The following HMGXB4 variants were observed in gnomAD, a reference collection of about 807,000 sequenced individuals.
HMGXB4 encodes HMG-box containing 4.
A neutral mutation model predicts 63.9 loss-of-function variants in HMGXB4; 27 were observed. The observed-to-expected ratio is 0.42, with a 90% CI of 0.31 to 0.58. The LOEUF (loss-of-function observed/expected upper bound fraction) is 0.58, where lower values mean the gene tolerates loss of function less well. Among genes scored for constraint, HMGXB4 ranks in the 20% least tolerant of loss-of-function variants. The pLI, the probability that HMGXB4 is intolerant of heterozygous loss-of-function variation, is 0.13. For synonymous variants in HMGXB4, 264 were observed against 265.3 expected (o/e 0.99, Z 0.05); for missense variants, 624 against 700.7 (o/e 0.89, Z 1.24).
Position 35,282,451 on chromosome 22 carries a change from C to G in HMGXB4, c.1216-1511C>G, listed in dbSNP as rs62233271. Among the ~76,000 whole-genome samples, 1,258 of 152,160 alleles carry G rather than the reference C, an allele frequency of 8.3e-3. 7 individuals carry two copies. Among genetic ancestry groups the G allele is most frequent in the South Asian group, 0.034 (163 of 4,824 alleles). Reference sequence around the variant, plus strand: ...TGCTGGATTACAGGTGTGAGCTACCCCACCCGGCCACATTCATGTCATTTT... The same window carrying G: ...TGCTGGATTACAGGTGTGAGCTACCGCACCCGGCCACATTCATGTCATTTT... On this transcript the variant is annotated intron_variant, in intron 5 of 10. Coordinates refer to ENST00000216106, the MANE Select transcript of HMGXB4 (RefSeq NM_001003681.3).
At chr22:35,267,501 C>T (rs1923338853) in intron 5 of HMGXB4, among the ~76,000 whole-genome samples, 1 of 152,112 alleles carries the variant, frequency 6.6e-6, no homozygotes, top group Non-Finnish European at 1.5e-5. Flanking sequence ...GAGAGATGTT[C>T]AGGAAGCAGC....
At chr22:35,248,757 T>C in the HMGXB4 span, among the ~76,000 whole-genome samples, 1 of 151,710 alleles carries the variant, frequency 6.6e-6, no homozygotes, top group Non-Finnish European at 1.5e-5. Flanking sequence ...GAAGAAAAAC[T>C]CACTTATCAT....
At position 35,263,831 on chromosome 22, in the gene HMGXB4, C is replaced by T; in HGVS notation, c.216C>T (p.His72=). ...SELYFLGTDT[H]KKKRKHSSDD... ...TTTACTTCTTGGGGACGGACACACA[C>T]AAGAAGAAGAGGAAGCACTCCTCTG... The change falls in exon 4 of 11, where the codon CAC becomes CAT. Residue 72 remains histidine (H), a synonymous_variant. Coordinates refer to ENST00000216106, the MANE Select transcript of HMGXB4 (RefSeq NM_001003681.3). 1 of 1,613,488 alleles carries T rather than the reference C, an allele frequency of 6.2e-7. No individual in the cohort carries two copies.
chr22:35,274,178 G>GA (rs1350450301), intron 5 of HMGXB4, among the ~76,000 whole-genome samples: 1 of 152,174 alleles, frequency 6.6e-6, no homozygotes, highest in Non-Finnish European at 1.5e-5. Flanking sequence ...GGAAAGCCCG[G>GA]AATGGCTGGC....
chr22:35,293,594 CT>C lies in HMGXB4; in HGVS notation c.1762-10del, dbSNP rs757093647. The C allele has an allele frequency of 1.3e-6, 2 of 1,599,750 alleles. No homozygotes were observed. The highest frequency in any genetic ancestry group is 1.7e-6 in the Non-Finnish European group (2 of 1,167,080). The stretch of plus-strand genomic sequence containing the variant: ...CAGTACTCTTCAGTTGAACATTTTT[CT>C]TTGTTTTGCAGTCAAACACATTAGA... On this transcript the variant is annotated splice_polypyrimidine_tract_variant and intron_variant, in intron 10 of 10. Coordinates refer to ENST00000216106, the MANE Select transcript of HMGXB4 (RefSeq NM_001003681.3).
chr22:35,291,404 A>G (rs1026813235), intron 9 of HMGXB4, among the ~76,000 whole-genome samples: 1 of 152,184 alleles, frequency 6.6e-6, no homozygotes, highest in Non-Finnish European at 1.5e-5. Flanking sequence ...TTGGGGAACT[A>G]CAGGGGTTTT....
chr22:35,271,547 C>G (rs1337531046), intron 5 of HMGXB4, among the ~76,000 whole-genome samples: 3 of 152,154 alleles, frequency 2.0e-5, no homozygotes, highest in South Asian at 2.1e-4. Flanking sequence ...CACCCACTTA[C>G]AAACAATGTG....
At position 35,268,060 on chromosome 22, in the gene HMGXB4, C is replaced by G. The variant is rs59071179; in HGVS notation, c.1215+2457C>G. ...GATCACGCCACTGCAGTCCAGCCTG[C>G]GCGACAGCGTGAGACTCAGTCTCAA... On this transcript the variant is annotated intron_variant, in intron 5 of 10. Transcript: ENST00000216106. Among the ~76,000 whole-genome samples the G allele has an allele frequency of 5.5e-3, 838 of 152,248 alleles. 10 individuals carry two copies. Among genetic ancestry groups the G allele is most frequent in the African/African-American group, 0.019 (784 of 41,536 alleles).
intron 5 of HMGXB4, among the ~76,000 whole-genome samples, chr22:35,271,982 A>G (rs713770): frequency 0.5 from 75,771 of 152,054 alleles, 22,406 homozygotes; most frequent in Non-Finnish European, 0.65. Flanking sequence ...TGAGCATTCA[A>G]TAAATATTAT....
intron 5 of HMGXB4, among the ~76,000 whole-genome samples, chr22:35,274,834 T>A (rs1006582854): frequency 6.6e-6 from 1 of 152,218 alleles, no homozygotes; most frequent in Non-Finnish European, 1.5e-5. Flanking sequence ...CTGGTTTTCC[T>A]TTTAGCCAGA....
chr22:35,275,855 C>G (rs1350677041), intron 5 of HMGXB4, among the ~76,000 whole-genome samples: 2 of 152,174 alleles, frequency 1.3e-5, no homozygotes, highest in African/African-American at 2.4e-5. Flanking sequence ...GTTAAGTGGA[C>G]TTGTTGCAAG....
At chr22:35,254,896 C>T (rs558206974), upstream of HMGXB4, among the ~76,000 whole-genome samples, 16 of 152,248 alleles carry the variant, frequency 1.1e-4, no homozygotes, top group African/African-American at 3.9e-4. Context: ...TTCAGGTGGA[C>T]TAAAAGAAGA....
At chr22:35,277,517 T>G (rs1422673735) in intron 5 of HMGXB4, among the ~76,000 whole-genome samples, 1 of 152,032 alleles carries the variant, frequency 6.6e-6, no homozygotes, top group East Asian at 1.9e-4. Flanking sequence ...CCTGGCTAAT[T>G]TTTCTGTTTT....
Position 35,287,402 on chromosome 22 carries a change from C to G in HMGXB4, c.1418C>G (p.Thr473Arg). The stretch of plus-strand genomic sequence containing the variant: ...CACAAACAGAACAAAGCAGAAGCCA[C>G]AACTGTGAAAAGGAAAGCATCCAGC... ...LQHKQNKAEA[T>R]TVKRKASSSE... Residue 473 changes from threonine (T) to arginine (R), a missense_variant, in exon 8 of 11, where the codon ACA becomes AGA. Physicochemically the swap from Thr to Arg is moderately conservative, Grantham distance 71. This residue lies in a region of HMGXB4 where 152 missense variants were observed against 230.1 expected (regional missense o/e 0.66). Transcript: ENST00000216106. The G allele has an allele frequency of 6.2e-7, 1 of 1,613,682 alleles. No individual in the cohort carries two copies. Among genetic ancestry groups the G allele is most frequent in the Non-Finnish European group, 8.5e-7 (1 of 1,179,744 alleles).
At chr22:35,288,180 T>C (rs1437019678) in intron 8 of HMGXB4, 58 bp from the exon 9 acceptor site, 22 of 1,304,288 alleles carry the variant, frequency 1.7e-5, no homozygotes, top group Non-Finnish European at 2.2e-5. Flanking sequence ...AGAACAACTT[T>C]GTGTTGTTCA....
At chr22:35,268,622 G>A (rs959912420) in intron 5 of HMGXB4, among the ~76,000 whole-genome samples, 1 of 152,158 alleles carries the variant, frequency 6.6e-6, no homozygotes, top group Non-Finnish European at 1.5e-5. Flanking sequence ...CGTCTGTCTT[G>A]CTATCCCTAG....
At chr22:35,246,133 G>A in the HMGXB4 span, among the ~76,000 whole-genome samples, 2 of 152,180 alleles carry the variant, frequency 1.3e-5, no homozygotes, top group African/African-American at 4.8e-5. Context: ...GACACCACCT[G>A]GGATGGGAAG....
Position 35,293,703 on chromosome 22 carries a change from G to GTA in HMGXB4, c.*58_*59dup. 1 of 1,421,152 alleles carries GTA rather than the reference G, an allele frequency of 7.0e-7. No homozygotes were observed. The highest frequency in any genetic ancestry group is 1.4e-5 in the African/African-American group (1 of 71,206). 88.0% of individuals were successfully genotyped at this position (1,421,152 alleles called of 1,614,324 possible). ...TTATCCTACACCATTGCTGGTTTGT[G>GTA]TATATATGACTGTTGCAGATTCCTT... On this transcript the variant is annotated 3_prime_UTR_variant, in exon 11 of 11. Coordinates refer to ENST00000216106, the MANE Select transcript of HMGXB4 (RefSeq NM_001003681.3).
chr22:35,268,793 C>T (rs546662720), intron 5 of HMGXB4, among the ~76,000 whole-genome samples: 1 of 152,340 alleles, frequency 6.6e-6, no homozygotes, highest in East Asian at 1.9e-4. Flanking sequence ...ATTAAACATA[C>T]ACTGTATGGA....
Sources: allele counts gnomAD v4.1 joint callset (sites outside exome capture counted in the v4.1 genomes callset), GRCh38; gene constraint gnomAD v4.1.1; regional missense constraint gnomAD v4.1.1; transcripts MANE v1.5; gene names NCBI Gene and HGNC (gene_info 2026-07-23, HGNC 2026-07-21).